Variants in MTUS2 observed in about 807,000 individuals in gnomAD.
MTUS2 encodes microtubule-associated tumor suppressor candidate 2.
Under a neutral mutation model 114.1 loss-of-function variants are expected in MTUS2, and 40 were observed. The ratio of observed to expected loss-of-function variants is 0.35; its 90% CI spans 0.27 to 0.46. The LOEUF is 0.46. Among genes scored for constraint, MTUS2 ranks in the 20% least tolerant of loss-of-function variants. MTUS2 has a pLI of 1.00. For missense variants in MTUS2, 1,679 were observed against 1,705.4 expected, an observed-to-expected ratio of 0.98 and a Z score of 0.27; for synonymous variants, 688 against 672.0, an observed-to-expected ratio of 1.02 and a Z score of -0.37.
At chr13:28,977,158 C>T (rs534626114) in intron 2 of MTUS2, among the ~76,000 whole-genome samples, 4 of 152,006 alleles carry the variant, frequency 2.6e-5, no homozygotes, top group Admixed American at 6.6e-5. Context: ...GGGGTCATTG[C>T]GGGGGAGAGG....
At chr13:29,084,623 T>C (rs1172679244) in intron 4 of MTUS2, among the ~76,000 whole-genome samples, 4 of 150,404 alleles carry the variant, frequency 2.7e-5, no homozygotes, top group Non-Finnish European at 5.9e-5. Context: ...CTGCAACTTC[T>C]GCCTCCTGGG....
intron 2 of MTUS2, among the ~76,000 whole-genome samples, chr13:28,845,811 T>G (rs1037053413): frequency 2.0e-5 from 3 of 152,054 alleles, no homozygotes; most frequent in South Asian, 2.1e-4. Context: ...TGTGTGACTT[T>G]ACTTATGTTA....
At chr13:29,340,241 A>G (rs995175836) in intron 7 of MTUS2, among the ~76,000 whole-genome samples, 2 of 152,186 alleles carry the variant, frequency 1.3e-5, no homozygotes, top group African/African-American at 4.8e-5. Context: ...GGTCCCAGTC[A>G]CTTGGCTCTG....
chr13:28,930,123 C>T (rs1881536336), intron 2 of MTUS2, among the ~76,000 whole-genome samples: 1 of 152,164 alleles, frequency 6.6e-6, no homozygotes, highest in South Asian at 2.1e-4. Context: ...ATGTAGGCCA[C>T]AGTCTTTCAT....
chr13:28,907,321 A>T (rs1318458075), intron 2 of MTUS2, among the ~76,000 whole-genome samples: 5 of 151,710 alleles, frequency 3.3e-5, no homozygotes. Flanking sequence ...AAGACCATTA[A>T]GGCTAGGAAG....
At chr13:28,892,020 C>T (rs560094166) in intron 2 of MTUS2, among the ~76,000 whole-genome samples, 7 of 152,094 alleles carry the variant, frequency 4.6e-5, no homozygotes, top group Non-Finnish European at 7.4e-5. Flanking sequence ...CTAACCCCTT[C>T]ACCAGCCTGG....
intron 4 of MTUS2, among the ~76,000 whole-genome samples, chr13:29,047,938 C>CT (rs1887711801): frequency 2.2e-5 from 1 of 45,250 alleles, no homozygotes; most frequent in Non-Finnish European, 4.3e-5. Context: ...TTTTGTGTCT[C>CT]TTTCACTTAG....
chr13:29,348,106 C>T (rs1382140769), intron 7 of MTUS2, among the ~76,000 whole-genome samples: 1 of 152,128 alleles, frequency 6.6e-6, no homozygotes, highest in African/African-American at 2.4e-5. Flanking sequence ...TGATTCTTAA[C>T]TCAATCTCCA....
chr13:29,343,193 T>A, intron 7 of MTUS2, among the ~76,000 whole-genome samples: 1 of 62,926 alleles, frequency 1.6e-5, no homozygotes, highest in East Asian at 1.1e-3. Flanking sequence ...TAGGGAGGAT[T>A]CCCTCTTTGT....
At chr13:29,395,620 G>C (rs547982406) in intron 8 of MTUS2, among the ~76,000 whole-genome samples, 1 of 152,300 alleles carries the variant, frequency 6.6e-6, no homozygotes, top group East Asian at 1.9e-4. Flanking sequence ...CTTATGCATG[G>C]CAAGGCCAGG....
intron 2 of MTUS2, among the ~76,000 whole-genome samples, chr13:28,855,517 A>C (rs1241917596): frequency 6.6e-6 from 1 of 152,106 alleles, no homozygotes; most frequent in Non-Finnish European, 1.5e-5. Flanking sequence ...AAGTGAGAAC[A>C]TGTGGTGTTT....
At chr13:29,285,587 G>A (rs1413232710) in intron 6 of MTUS2, among the ~76,000 whole-genome samples, 1 of 152,140 alleles carries the variant, frequency 6.6e-6, no homozygotes, top group East Asian at 1.9e-4. Flanking sequence ...GAAGTACAAA[G>A]GAATGCAGAG....
chr13:29,083,452 A>C (rs765747031), intron 4 of MTUS2, among the ~76,000 whole-genome samples: 2 of 152,172 alleles, frequency 1.3e-5, no homozygotes, highest in Admixed American at 6.5e-5. Flanking sequence ...ATTCCTTTAG[A>C]GGTAAAGGAA....
At chr13:29,498,058 TG>T (rs1882663451) in intron 13 of MTUS2, among the ~76,000 whole-genome samples, 1 of 152,210 alleles carries the variant, frequency 6.6e-6, no homozygotes. Context: ...AGCTACCTGG[TG>T]AATCAAGTCG....
At chr13:28,826,420 C>G (rs949038998) in intron 1 of MTUS2, among the ~76,000 whole-genome samples, 1 of 152,142 alleles carries the variant, frequency 6.6e-6, no homozygotes, top group Non-Finnish European at 1.5e-5. Flanking sequence ...ATGTACTTCC[C>G]TTGTCCCAGA....
rs183738371 is a variant in MTUS2, at chr13:29,025,918, A to T, written c.1220A>T (p.Asp407Val). 4.6e-4 allele frequency: 742 copies of T among 1,613,844 alleles called. 6 individuals carry two copies. The East Asian group carries it at 0.015, about 33-fold the overall frequency. The change falls in exon 3 of 16, where the codon GAT (aspartate) becomes GTT (valine). Residue 407 changes from aspartate to valine, a missense_variant. Physicochemically the swap from Asp to Val is radical, Grantham distance 152 (BLOSUM62 -3). This residue lies in a region of MTUS2 where 843 missense variants were observed against 770.8 expected (regional missense o/e 1.09). Coordinates refer to ENST00000612955, the MANE Select transcript of MTUS2 (RefSeq NM_001033602.4). ...KQGSASLGGA[D>V]NQPTGKISPC... ...GGCTCTGCTTCCTTAGGAGGGGCTG[A>T]TAATCAGCCCACTGGCAAAATTTCA...
At chr13:29,441,082 A>G (rs1758540946) in intron 9 of MTUS2, among the ~76,000 whole-genome samples, 1 of 152,206 alleles carries the variant, frequency 6.6e-6, no homozygotes, top group Non-Finnish European at 1.5e-5. Flanking sequence ...AGGACAGCAG[A>G]TGCTTGTGGG....
intron 2 of MTUS2, among the ~76,000 whole-genome samples, chr13:28,882,035 C>T (rs2138141837): frequency 6.6e-6 from 1 of 152,284 alleles, no homozygotes; most frequent in East Asian, 1.9e-4. Context: ...TTCAATCCTT[C>T]CCTCACACCA....
Position 28,956,289 on chromosome 13 carries a change from C to T in MTUS2, c.-242-68168C>T, listed in dbSNP as rs536358580. On this transcript the variant is annotated intron_variant, in intron 2 of 15. Transcript: ENST00000612955. The stretch of plus-strand genomic sequence containing the variant: ...TGTCACTAGCTTTTTTCAGTCCCCA[C>T]CCTCACCCTCACTCCTATCCCCAGC... 2.6e-4 allele frequency among the ~76,000 whole-genome samples: 40 copies of T among 152,220 alleles called. No homozygotes were observed. In the South Asian group the frequency reaches 8.1e-3, roughly 31 times the overall value.
Sources: allele counts gnomAD v4.1 joint callset (sites outside exome capture counted in the v4.1 genomes callset), GRCh38; gene constraint gnomAD v4.1.1; regional missense constraint gnomAD v4.1.1; transcripts MANE v1.5; gene names NCBI Gene and HGNC (gene_info 2026-07-23, HGNC 2026-07-21).